Variants in NOL4 observed in about 807,000 individuals in gnomAD.
The protein encoded by NOL4 is cancer/testis antigen 125.
In NOL4, 17 loss-of-function variants were observed where a neutral mutation model predicts 75.9. The ratio of observed to expected loss-of-function variants is 0.22; its 90% CI spans 0.15 to 0.34. The LOEUF is 0.34. Ranked by LOEUF, NOL4 falls within the 10% of genes least tolerant of loss-of-function variation. The probability of loss-of-function intolerance (pLI) is 1.00; values close to 1 mark genes in which losing one functional copy is unlikely to be tolerated. For missense variants in NOL4, 614 were observed against 793.5 expected, an observed-to-expected ratio of 0.77 and a Z score of 2.72; for synonymous variants, 292 against 289.9, an observed-to-expected ratio of 1.01 and a Z score of -0.07.
chr18:34,058,426 G>A (rs1438093756), intron 5 of NOL4, among the ~76,000 whole-genome samples: 5 of 152,136 alleles, frequency 3.3e-5, no homozygotes, highest in Admixed American at 6.5e-5. Context: ...GAGCCACTGC[G>A]CCCGGCCTCC....
chr18:34,002,613 G>A (rs1367968272), intron 6 of NOL4, among the ~76,000 whole-genome samples: 2 of 151,888 alleles, frequency 1.3e-5, no homozygotes, highest in Admixed American at 6.6e-5. Context: ...TCTTCACTCT[G>A]GTATTTCTAG....
chr18:33,889,156 A>G (rs552430137), intron 9 of NOL4, among the ~76,000 whole-genome samples: 1 of 152,240 alleles, frequency 6.6e-6, no homozygotes, highest in Non-Finnish European at 1.5e-5. Flanking sequence ...GGGAAGAATC[A>G]AATAGATGCA....
intron 6 of NOL4, among the ~76,000 whole-genome samples, chr18:33,971,945 C>T (rs981722485): frequency 4.6e-5 from 7 of 152,032 alleles, no homozygotes. Context: ...GCAGGTGGAT[C>T]ATCTGAGGTC....
At chr18:34,036,871 G>C (rs560854521) in intron 5 of NOL4, among the ~76,000 whole-genome samples, 4 of 152,296 alleles carry the variant, frequency 2.6e-5, no homozygotes, top group African/African-American at 9.6e-5. Flanking sequence ...GGTGGAGATT[G>C]CAGTTAGCCA....
chr18:34,009,490 G>A (rs183719343), intron 6 of NOL4, among the ~76,000 whole-genome samples: 1 of 151,998 alleles, frequency 6.6e-6, no homozygotes, highest in Admixed American at 6.6e-5. Flanking sequence ...CTAAATTCTG[G>A]AGCCAATAAC....
At chr18:34,097,857 A>T (rs1025806338) in intron 4 of NOL4, among the ~76,000 whole-genome samples, 10 of 152,180 alleles carry the variant, frequency 6.6e-5, no homozygotes, top group Non-Finnish European at 1.5e-4. Context: ...ATATATTTGA[A>T]AAGTTTTTAA....
chr18:34,071,333 T>G (rs2077505432), intron 5 of NOL4, among the ~76,000 whole-genome samples: 1 of 151,932 alleles, frequency 6.6e-6, no homozygotes, highest in African/African-American at 2.4e-5. Flanking sequence ...AGATACATAT[T>G]GAAATTCCCA....
chr18:33,964,586 A>T (rs2070428310), intron 6 of NOL4, among the ~76,000 whole-genome samples: 1 of 152,184 alleles, frequency 6.6e-6, no homozygotes, highest in South Asian at 2.1e-4. Flanking sequence ...ATCTAGAAAC[A>T]GTGGTTCTCA....
chr18:34,012,099 T>G (rs1043163685), intron 6 of NOL4, among the ~76,000 whole-genome samples: 2 of 151,952 alleles, frequency 1.3e-5, no homozygotes, highest in Non-Finnish European at 1.5e-5. Context: ...GTCCTTCATC[T>G]TCCTGCAATA....
At chr18:34,007,008 C>T (rs1286908429) in intron 6 of NOL4, among the ~76,000 whole-genome samples, 1 of 151,986 alleles carries the variant, frequency 6.6e-6, no homozygotes, top group Admixed American at 6.6e-5. Context: ...AGTTTTGCTT[C>T]CTGTTCCCAT....
intron 6 of NOL4, among the ~76,000 whole-genome samples, chr18:34,007,333 C>T (rs1156852833): frequency 2.0e-5 from 3 of 151,986 alleles, no homozygotes; most frequent in Non-Finnish European, 2.9e-5. Context: ...TTAAAAATCA[C>T]AATAACCCAA....
chr18:33,984,514 A>T (rs1365919790), intron 6 of NOL4, among the ~76,000 whole-genome samples: 3 of 151,978 alleles, frequency 2.0e-5, no homozygotes, highest in Non-Finnish European at 4.4e-5. Context: ...ATGGTTTAAC[A>T]CCATTCCCCC....
chr18:33,917,470 T>C (rs1252581341), intron 9 of NOL4, among the ~76,000 whole-genome samples: 1 of 152,096 alleles, frequency 6.6e-6, no homozygotes, highest in Non-Finnish European at 1.5e-5. Context: ...CATGATCGTC[T>C]TAAACTCTAT....
chr18:33,961,382 C>A lies in NOL4; in HGVS notation c.1057-2964G>T, dbSNP rs547491575. 4.6e-5 allele frequency among the ~76,000 whole-genome samples: 7 copies of A among 152,078 alleles called. No homozygotes were observed. The East Asian group carries it at 1.2e-3, about 25-fold the overall frequency. On this transcript the variant is annotated intron_variant, in intron 6 of 10. Coordinates refer to ENST00000261592, the MANE Select transcript of NOL4 (RefSeq NM_003787.5). ...TTGAGGGCCTGAATAGAATACAAAG[C>A]AGAGGGAAGGAAAATTTGCCTATTC...
intron 1 of NOL4, 75 bp downstream of exon 1, chr18:34,222,915 T>C: frequency 6.4e-7 from 1 of 1,555,868 alleles, no homozygotes; most frequent in Admixed American, 1.7e-5. Flanking sequence ...TCCCCCTCTC[T>C]CCCGCCTCTC....
chr18:34,002,033 A>AG (rs1175058029), intron 6 of NOL4, among the ~76,000 whole-genome samples: 1 of 152,072 alleles, frequency 6.6e-6, no homozygotes, highest in Non-Finnish European at 1.5e-5. Context: ...CCACTCACCC[A>AG]GGTCCCCATG....
chr18:33,893,931 C>T (rs1461586365), intron 9 of NOL4, among the ~76,000 whole-genome samples: 1 of 152,096 alleles, frequency 6.6e-6, no homozygotes, highest in Admixed American at 6.6e-5. Context: ...ATGAAGGCCT[C>T]AGTTTGCCTT....
chr18:33,948,369 C>T (rs930373081), intron 8 of NOL4, among the ~76,000 whole-genome samples: 12 of 151,832 alleles, frequency 7.9e-5, no homozygotes, highest in Admixed American at 2.0e-4. Flanking sequence ...ACACTATCTC[C>T]CCCAAGTGGC....
chr18:33,909,936 C>T (rs1241633334), intron 9 of NOL4, among the ~76,000 whole-genome samples: 1 of 151,996 alleles, frequency 6.6e-6, no homozygotes, highest in Non-Finnish European at 1.5e-5. Context: ...GAAGGTCTTT[C>T]TGAGAAAAAC....
Sources: gnomAD v4.1 joint callset for allele counts (sites outside exome capture counted in the v4.1 genomes callset) on GRCh38, gnomAD v4.1.1 for gene constraint, MANE v1.5 for transcripts, NCBI Gene and HGNC (gene_info 2026-07-23, HGNC 2026-07-21) for gene names.